Variants in CIT observed in about 807,000 individuals in gnomAD.
CIT encodes the protein citron rho-interacting serine/threonine kinase, also known as citron Rho-interacting kinase.
CIT carries 79 observed loss-of-function variants against 272.7 expected under a neutral mutation model. The ratio of observed to expected loss-of-function variants is 0.29; its 90% confidence interval spans 0.24 to 0.35. The LOEUF is 0.35. CIT is among the 10% of genes least tolerant of loss of function. The pLI is 1.00. For synonymous variants in CIT, 948 were observed against 995.6 expected (o/e 0.95, Z 0.90); for missense variants, 1,909 against 2,618.3 (o/e 0.73, Z 5.91).
At chr12:119,825,092 GC>G in intron 8 of CIT, 72 bp downstream of exon 8, 1 of 1,378,400 alleles carries the variant, frequency 7.3e-7, no homozygotes, top group East Asian at 2.3e-5. Flanking sequence ...GAGCCACCAC[GC>G]CCAGCCTCAT....
chr12:119,754,611 G>C (rs1960702127), intron 22 of CIT, among the ~76,000 whole-genome samples: 1 of 152,212 alleles, frequency 6.6e-6, no homozygotes. Context: ...ACAAAGTTGG[G>C]GGAAGGCCCA....
rs118044870 is a variant in CIT at position 119,768,620 on chromosome 12, C to T, written c.2209-1438G>A. 1.9e-3 allele frequency among the ~76,000 whole-genome samples: 290 copies of T among 152,328 alleles called. 1 individual carries two copies. The highest frequency in any genetic ancestry group is 3.3e-3 in the Non-Finnish European group (226 of 68,026). On this transcript the variant is annotated intron_variant, in intron 18 of 47. Transcript: ENST00000392521. This position sits in a 1 kb window ranked among gnomAD's most constrained non-coding sequence, Gnocchi z 4.3. ...GCTCTGAGGGCAATTAAAGTTCAAT[C>T]TTAAGACCAGGTGCACAAGATCTAC...
Position 119,690,343 on chromosome 12 carries a change from G to A in CIT, c.5994C>T (p.Pro1998=). The A allele has an allele frequency of 6.3e-7, 1 of 1,597,904 alleles. No individual in the cohort carries two copies. Among genetic ancestry groups the A allele is most frequent in the Non-Finnish European group, 8.5e-7 (1 of 1,178,482 alleles). Residue 1998 remains proline, a synonymous_variant, in exon 47 of 48, where the codon CCC becomes CCT. Coordinates refer to ENST00000392521, the MANE Select transcript of CIT (RefSeq NM_001206999.2). The surrounding 1 kb of genome is among the most constrained non-coding windows in gnomAD (Gnocchi z 6.0). ...CGGTCCGCCCCTCGCGGTAGCGGTG[G>A]GGTGTGCTTGGCTCTCGCGGGTGGC... ...GPSHPREPST[P]HRYREGRTEL... is the part of the protein sequence containing the mutation.
intron 9 of CIT, among the ~76,000 whole-genome samples, chr12:119,809,340 T>C (rs17527306): frequency 0.013 from 1,986 of 152,210 alleles, 26 homozygotes; most frequent in Non-Finnish European, 0.02. Flanking sequence ...ACATGACAAA[T>C]TCTACAAATT....
At position 119,734,297 on chromosome 12, in the gene CIT, C is replaced by T; in HGVS notation, c.3217G>A (p.Ala1073Thr). ...TTTTCTAGCAGCTCATCGTTTAGGG[C>T]CTCCAAATCCATGACCTGTTCCTCC... ...MLEEQVMDLE[A>T]LNDELLEKER... The change falls in exon 26 of 48, where the codon GCC (alanine) becomes ACC (threonine). Residue 1073 changes from alanine (A) to threonine (T), a missense_variant. Physicochemically the swap from Ala to Thr is moderately conservative, Grantham distance 58. Coordinates refer to ENST00000392521, the MANE Select transcript of CIT (RefSeq NM_001206999.2). 1 of 1,613,924 alleles carries T rather than the reference C, an allele frequency of 6.2e-7. No homozygotes were observed. Among genetic ancestry groups the T allele is most frequent in the East Asian group, 2.2e-5 (1 of 44,852 alleles).
rs1962713476 is a variant in CIT at position 119,768,429 on chromosome 12, G to A, written c.2209-1247C>T. ...AGTTTTCAACTCTTTATACTATTAT[G>A]AAATTTTTCTTTGAAGTGGAAGCAA... On this transcript the variant is annotated intron_variant, in intron 18 of 47. Transcript: ENST00000392521. The surrounding 1 kb of genome is among the most constrained non-coding windows in gnomAD (Gnocchi z 4.3). 6.6e-6 allele frequency among the ~76,000 whole-genome samples: 1 copy of A among 152,102 alleles called. No homozygotes were observed. Among genetic ancestry groups the A allele is most frequent in the Non-Finnish European group, 1.5e-5 (1 of 68,022 alleles).
At chr12:119,833,531 G>A (rs1013157278) in intron 6 of CIT, among the ~76,000 whole-genome samples, 4 of 151,986 alleles carry the variant, frequency 2.6e-5, no homozygotes, top group Non-Finnish European at 4.4e-5. Flanking sequence ...TGGGCATGGC[G>A]GTGCGTGCCT....
At chr12:119,822,414 T>C (rs1566090714) in intron 9 of CIT, among the ~76,000 whole-genome samples, 1 of 152,254 alleles carries the variant, frequency 6.6e-6, no homozygotes, top group Non-Finnish European at 1.5e-5. Context: ...ATGGTTTTTG[T>C]TTAAACTCAG....
intron 9 of CIT, among the ~76,000 whole-genome samples, chr12:119,810,206 C>A (rs898738558): frequency 6.6e-6 from 1 of 152,144 alleles, no homozygotes; most frequent in African/African-American, 2.4e-5. Flanking sequence ...AGACCTCCAC[C>A]TGTGGGATTG....
chr12:119,748,466 A>G (rs938531602), intron 23 of CIT, among the ~76,000 whole-genome samples: 2 of 152,252 alleles, frequency 1.3e-5, no homozygotes, highest in African/African-American at 4.8e-5. Flanking sequence ...ATCCATGGTC[A>G]GGATTCTAGA....
Position 119,690,310 on chromosome 12 carries a change from G to C in CIT, c.6027C>G (p.Arg2009=). 2 of 1,594,550 alleles carry C rather than the reference G, an allele frequency of 1.3e-6. No homozygotes were observed. Among genetic ancestry groups the C allele is most frequent in the South Asian group, 1.1e-5 (1 of 90,266 alleles). The change falls in exon 47 of 48, where the codon CGC becomes CGG. Residue 2009 remains arginine (R), a synonymous_variant. Coordinates refer to ENST00000392521, the MANE Select transcript of CIT (RefSeq NM_001206999.2). This position sits in a 1 kb window ranked among gnomAD's most constrained non-coding sequence, Gnocchi z 6.0. Reference sequence around the variant, plus strand: ...GGGGGCGGCCAGGAGACTTGTCCCTGCGCAGCTCGGTCCGCCCCTCGCGGT... The same window carrying C: ...GGGGGCGGCCAGGAGACTTGTCCCTCCGCAGCTCGGTCCGCCCCTCGCGGT... ...HRYREGRTEL[R]RDKSPGRPLE...
In CIT at chr12:119,720,599, A is replaced by C. The variant is rs1360899955; in HGVS notation, c.3733-14T>G. On this transcript the variant is annotated splice_polypyrimidine_tract_variant and intron_variant, in intron 29 of 47. Transcript: ENST00000392521. ...AGAATAGAGAACCTAAAATTCAAGAAAACAAACTAACCTCAAATCCAGACA... is the reference window on the plus strand; with the variant it reads ...AGAATAGAGAACCTAAAATTCAAGACAACAAACTAACCTCAAATCCAGACA... 1 of 1,537,764 alleles carries C rather than the reference A, an allele frequency of 6.5e-7. No homozygotes were observed. The highest frequency in any genetic ancestry group is 8.9e-7 in the Non-Finnish European group (1 of 1,127,428).
chr12:119,746,436 A>T (rs1379305514), intron 23 of CIT, among the ~76,000 whole-genome samples: 1 of 152,204 alleles, frequency 6.6e-6, no homozygotes, highest in African/African-American at 2.4e-5. Flanking sequence ...CTCTGCTCTA[A>T]ATGACTATTT....
intron 13 of CIT, among the ~76,000 whole-genome samples, chr12:119,781,339 A>G (rs182114580): frequency 1.4e-3 from 208 of 152,376 alleles, no homozygotes; most frequent in African/African-American, 4.6e-3. Context: ...AAATATGCCA[A>G]CAAAACTCCA....
Position 119,713,868 on chromosome 12 carries a change from C to T in CIT, c.4307-220G>A. 1.6e-6 allele frequency: 1 copy of T among 616,086 alleles called. No individual in the cohort carries two copies. The highest frequency in any genetic ancestry group is 2.9e-6 in the Non-Finnish European group (1 of 350,212). The allele number at this position is 616,086 out of a possible 1,614,324, so 38.2% of individuals were successfully genotyped here. A position where few individuals can be genotyped will look rare whatever the true frequency, so the allele number is the denominator to read the frequency against. On this transcript the variant is annotated intron_variant, in intron 33 of 47. Transcript: ENST00000392521. This position sits in a 1 kb window ranked among gnomAD's most constrained non-coding sequence, Gnocchi z 5.2. ...TTGACCCAGTTTTCCAGGCTTCAAT[C>T]CAGACCGCCCACAAACAGGTGTGTA... is the stretch of plus-strand genomic sequence containing the variant.
At chr12:119,762,063 A>G (rs1961871744) in intron 19 of CIT, among the ~76,000 whole-genome samples, 2 of 152,202 alleles carry the variant, frequency 1.3e-5, no homozygotes, top group Admixed American at 1.3e-4. Context: ...ATAAAGCTGA[A>G]AGAGCTGGGG....
chr12:119,723,325 A>G (rs1957901038), intron 28 of CIT, among the ~76,000 whole-genome samples: 1 of 152,002 alleles, frequency 6.6e-6, no homozygotes. Context: ...CGAGCCCAAA[A>G]TATTTTTCTA....
At chr12:119,759,750 G>A (rs1365382721) in intron 20 of CIT, among the ~76,000 whole-genome samples, 1 of 152,134 alleles carries the variant, frequency 6.6e-6, no homozygotes, top group East Asian at 1.9e-4. Context: ...TGGAAAAATT[G>A]TCTTCCACAA....
intron 28 of CIT, among the ~76,000 whole-genome samples, chr12:119,727,183 T>C (rs1446680441): frequency 6.6e-6 from 1 of 152,216 alleles, no homozygotes; most frequent in African/African-American, 2.4e-5. Context: ...AAGCATCACA[T>C]AGAAGGATAA....
Sources: gnomAD v4.1 joint callset for allele counts (sites outside exome capture counted in the v4.1 genomes callset) on GRCh38, gnomAD v4.1.1 for gene constraint, Gnocchi (gnomAD v3.1) non-coding constraint, MANE v1.5 for transcripts, NCBI Gene and HGNC (gene_info 2026-07-23, HGNC 2026-07-21) for gene names.